Variants in MTHFD1L observed in about 807,000 individuals in gnomAD.
The protein encoded by MTHFD1L is methylenetetrahydrofolate dehydrogenase (NADP+ dependent) 1 like.
Under a neutral mutation model 119.5 loss-of-function variants are expected in MTHFD1L, and 81 were observed. That is an observed-to-expected ratio of 0.68 (90% CI 0.57 to 0.82). MTHFD1L has a LOEUF of 0.82. MTHFD1L is among the 40% of genes least tolerant of loss of function. The pLI is 0.00. For missense variants in MTHFD1L, 1,125 were observed against 1,253.4 expected, an observed-to-expected ratio of 0.90 and a Z score of 1.55; for synonymous variants, 430 against 475.2, an observed-to-expected ratio of 0.90 and a Z score of 1.24.
chr6:150,972,644 G>A (rs2129021033), intron 20 of MTHFD1L, among the ~76,000 whole-genome samples: 1 of 152,330 alleles, frequency 6.6e-6, no homozygotes, highest in African/African-American at 2.4e-5. Flanking sequence ...ACCAGCCTTA[G>A]CCCCTGCTCC....
chr6:150,908,851 T>C (rs944369070), intron 8 of MTHFD1L, among the ~76,000 whole-genome samples: 1 of 152,098 alleles, frequency 6.6e-6, no homozygotes, highest in Non-Finnish European at 1.5e-5. Flanking sequence ...CTTTTTTTCA[T>C]AATCCCACTA....
intron 19 of MTHFD1L, among the ~76,000 whole-genome samples, chr6:150,966,531 T>G (rs1583848431): frequency 6.6e-6 from 1 of 151,746 alleles, no homozygotes; most frequent in African/African-American, 2.4e-5. Context: ...ATGACAGAAA[T>G]GGGGGGATTG....
At chr6:150,977,165 T>C (rs531291193) in intron 20 of MTHFD1L, among the ~76,000 whole-genome samples, 2 of 152,322 alleles carry the variant, frequency 1.3e-5, no homozygotes, top group South Asian at 4.1e-4. Flanking sequence ...AGTACTATAT[T>C]AGTTAAGGTT....
At chr6:150,972,773 A>G (rs1194200102) in intron 20 of MTHFD1L, among the ~76,000 whole-genome samples, 1 of 152,234 alleles carries the variant, frequency 6.6e-6, no homozygotes, top group South Asian at 2.1e-4. Flanking sequence ...TTCCATGTAC[A>G]GTTTCTCCTT....
intron 26 of MTHFD1L, among the ~76,000 whole-genome samples, chr6:151,074,929 A>G (rs1258300833): frequency 6.6e-6 from 1 of 152,172 alleles, no homozygotes; most frequent in African/African-American, 2.4e-5. Context: ...GCAACACAGG[A>G]CTGTGCTGTA....
At chr6:150,868,329 G>A (rs566604910) in intron 1 of MTHFD1L, among the ~76,000 whole-genome samples, 2 of 147,244 alleles carry the variant, frequency 1.4e-5, no homozygotes, top group South Asian at 4.3e-4. Context: ...TCAACAAATG[G>A]TGGCTATTAA....
At chr6:151,006,020 C>G (rs1781335428) in intron 20 of MTHFD1L, among the ~76,000 whole-genome samples, 1 of 151,992 alleles carries the variant, frequency 6.6e-6, no homozygotes, top group Non-Finnish European at 1.5e-5. Context: ...CTCCCAAGTC[C>G]CATCCTGTTT....
intron 26 of MTHFD1L, among the ~76,000 whole-genome samples, chr6:151,046,944 A>G (rs35963108): frequency 0.29 from 44,247 of 152,088 alleles, 7,281 homozygotes; most frequent in African/African-American, 0.41. Flanking sequence ...TCTAATGAGT[A>G]AAAAGAAACC....
intron 7 of MTHFD1L, among the ~76,000 whole-genome samples, chr6:150,902,589 A>G (rs1471340911): frequency 6.6e-6 from 1 of 152,136 alleles, no homozygotes; most frequent in South Asian, 2.1e-4. Context: ...TTTCCTTTCC[A>G]GAAAGAATTA....
chr6:151,025,695 C>G (rs769436600), intron 24 of MTHFD1L, among the ~76,000 whole-genome samples: 33 of 152,164 alleles, frequency 2.2e-4, no homozygotes, highest in Admixed American at 1.4e-3. Flanking sequence ...AACTCTGTAG[C>G]CTTGGTGAAA....
intron 19 of MTHFD1L, among the ~76,000 whole-genome samples, chr6:150,970,658 C>T (rs1219358989): frequency 3.9e-5 from 6 of 152,156 alleles, no homozygotes. Context: ...GCCTTATTTT[C>T]CTGAGTGTTC....
chr6:150,972,600 A>T (rs1338103666), intron 20 of MTHFD1L, among the ~76,000 whole-genome samples: 1 of 152,176 alleles, frequency 6.6e-6, no homozygotes. Context: ...AGCATAGAAG[A>T]CCCTGCCTCT....
At chr6:150,967,881 G>GTT (rs1222698362) in intron 19 of MTHFD1L, among the ~76,000 whole-genome samples, 5 of 152,062 alleles carry the variant, frequency 3.3e-5, no homozygotes, top group African/African-American at 1.2e-4. Flanking sequence ...ATGAAGCCCT[G>GTT]TTGCCTTCCT....
intron 26 of MTHFD1L, among the ~76,000 whole-genome samples, chr6:151,080,655 A>G (rs1257003285): frequency 6.6e-6 from 1 of 152,222 alleles, no homozygotes; most frequent in Non-Finnish European, 1.5e-5. Flanking sequence ...GTAACAAAAG[A>G]CCATAGACTG....
intron 19 of MTHFD1L, 54 bp downstream of exon 19, chr6:150,965,091 A>C: frequency 1.3e-6 from 2 of 1,500,168 alleles, no homozygotes; most frequent in Non-Finnish European, 1.9e-6. Flanking sequence ...TTGCCACACA[A>C]TGTGAACATT....
chr6:150,905,237 T>C (rs1319943210), intron 7 of MTHFD1L, among the ~76,000 whole-genome samples: 2 of 152,028 alleles, frequency 1.3e-5, no homozygotes, highest in South Asian at 2.1e-4. Flanking sequence ...TTTTACCATG[T>C]TGGCCAGTCT....
chr6:150,987,134 A>G (rs1265687349), intron 20 of MTHFD1L, among the ~76,000 whole-genome samples: 1 of 152,214 alleles, frequency 6.6e-6, no homozygotes, highest in African/African-American at 2.4e-5. Context: ...CAAAAATAAT[A>G]TAGTATTGTG....
chr6:150,898,493 C>T (rs1036833675), intron 7 of MTHFD1L, among the ~76,000 whole-genome samples: 1 of 152,154 alleles, frequency 6.6e-6, no homozygotes, highest in Non-Finnish European at 1.5e-5. Context: ...GAACTGAAAA[C>T]CATAAATGTC....
At chr6:151,092,811 G>T (rs541747092) in intron 27 of MTHFD1L, among the ~76,000 whole-genome samples, 1 of 152,020 alleles carries the variant, frequency 6.6e-6, no homozygotes, top group African/African-American at 2.4e-5. Flanking sequence ...AGTGTCCTGC[G>T]CTCGAGTCCA....
Sources: gnomAD v4.1 joint callset for allele counts (sites outside exome capture counted in the v4.1 genomes callset) on GRCh38, gnomAD v4.1.1 for gene constraint, MANE v1.5 for transcripts, NCBI Gene and HGNC (gene_info 2026-07-23, HGNC 2026-07-21) for gene names.